Variants in PLAAT1 observed in about 807,000 individuals in gnomAD.
PLAAT1 encodes phospholipase A and acyltransferase 1, also known as H-REV107 protein-related protein.
PLAAT1 carries 13 observed loss-of-function variants against 16.4 expected under a neutral mutation model. That is an observed-to-expected ratio of 0.79 (90% CI 0.52 to 1.26). PLAAT1 has a LOEUF of 1.26. PLAAT1 is among the 50% of genes most tolerant of loss of function. PLAAT1 has a pLI of 0.00. For missense variants in PLAAT1, 218 were observed against 207.8 expected (o/e 1.05, Z -0.30); for synonymous variants, 73 against 78.4 (o/e 0.93, Z 0.36).
In PLAAT1 at chr3:193,241,405, C is replaced by T. The variant is rs1393889899; in HGVS notation, c.-129C>T. ...TGGCTGGCGCCTGCCTCCCGGGTGT[C>T]TCCCGGGTACAGATGGAGTCGTCCC... On this transcript the variant is annotated 5_prime_UTR_variant, in exon 1 of 4. Transcript: ENST00000264735. The T allele has an allele frequency of 3.2e-6, 4 of 1,231,612 alleles. No homozygotes were observed. Among genetic ancestry groups the T allele is most frequent in the South Asian group, 4.1e-5 (1 of 24,328 alleles). 76.3% of individuals were successfully genotyped at this position (1,231,612 alleles called of 1,614,324 possible).
chr3:193,276,873 C>A, intron 2 of PLAAT1: 1 of 1,391,066 alleles, frequency 7.2e-7, no homozygotes, highest in Non-Finnish European at 1.0e-6. Flanking sequence ...GCACACTTCA[C>A]ACTTTGAAAA....
intron 3 of PLAAT1, among the ~76,000 whole-genome samples, chr3:193,270,069 A>AACACACAC (rs1553807457): frequency 1.2e-3 from 182 of 147,992 alleles, no homozygotes; most frequent in East Asian, 7.6e-3. Context: ...ACATCCCTGA[A>AACACACAC]ACACACACAC....
chr3:193,252,348 T>A (rs1716223493), intron 1 of PLAAT1, among the ~76,000 whole-genome samples: 1 of 152,220 alleles, frequency 6.6e-6, no homozygotes, highest in South Asian at 2.1e-4. Context: ...CATTTCAACA[T>A]GATATTTGGC....
At chr3:193,250,476 T>C (rs1334667216) in intron 1 of PLAAT1, among the ~76,000 whole-genome samples, 2 of 152,198 alleles carry the variant, frequency 1.3e-5, no homozygotes, top group Admixed American at 6.5e-5. Context: ...CTGCTGAACA[T>C]TTTCAAGTTA....
chr3:193,251,183 T>C (rs998678425), intron 1 of PLAAT1, among the ~76,000 whole-genome samples: 54 of 152,146 alleles, frequency 3.5e-4, no homozygotes, highest in Non-Finnish European at 4.4e-5. Context: ...TCATGAGAGA[T>C]TGCAGAAATT....
exon 3 of PLAAT1, chr3:193,277,702 T>G (rs1717286904): frequency 6.6e-6 from 1 of 152,276 alleles, no homozygotes; most frequent in Admixed American, 6.5e-5. Context: ...ATTAAAGGGT[T>G]GTTTGGAAAA....
chr3:193,241,415 C>T lies in PLAAT1; in HGVS notation c.-119C>T. The T allele has an allele frequency of 8.1e-7, 1 of 1,231,818 alleles. No homozygotes were observed. The highest frequency in any genetic ancestry group is 1.0e-6 in the Non-Finnish European group (1 of 988,058). The allele number at this position is 1,231,818 out of a possible 1,614,324, so 76.3% of individuals were successfully genotyped here. On this transcript the variant is annotated 5_prime_UTR_variant, in exon 1 of 4. It introduces an in-frame stop codon into an upstream open reading frame of the 5' UTR. Transcript: ENST00000264735. ...CTGCCTCCCGGGTGTCTCCCGGGTA[C>T]AGATGGAGTCGTCCCGCGGCCGCCG...
chr3:193,262,585 A>G (rs1716625364), intron 2 of PLAAT1, among the ~76,000 whole-genome samples: 1 of 152,148 alleles, frequency 6.6e-6, no homozygotes. Context: ...ATGCTCAGCA[A>G]AAAACTGCCT....
intron 1 of PLAAT1, among the ~76,000 whole-genome samples, chr3:193,244,369 G>T (rs546445387): frequency 1.3e-5 from 2 of 152,044 alleles, no homozygotes; most frequent in East Asian, 1.9e-4. Context: ...GAGTGATCCA[G>T]TTAATGACAA....
chr3:193,274,384 C>G (rs930045142), downstream of PLAAT1, among the ~76,000 whole-genome samples: 13 of 152,224 alleles, frequency 8.5e-5, no homozygotes, highest in Non-Finnish European at 1.3e-4. Flanking sequence ...CCCCTAAACA[C>G]TATACACTGA....
downstream of PLAAT1, among the ~76,000 whole-genome samples, chr3:193,273,218 C>T (rs1262727178): frequency 6.6e-6 from 1 of 152,126 alleles, no homozygotes; most frequent in Non-Finnish European, 1.5e-5. Context: ...GATGTCAGCT[C>T]AAGGAACCTG....
chr3:193,275,259 C>G, downstream of PLAAT1: 1 of 1,614,014 alleles, frequency 6.2e-7, no homozygotes, highest in African/African-American at 1.3e-5. Context: ...TCCAAATTCT[C>G]TTTTGATCAA....
intron 1 of PLAAT1, among the ~76,000 whole-genome samples, chr3:193,247,970 C>T (rs924486764): frequency 6.6e-6 from 1 of 152,150 alleles, no homozygotes; most frequent in Non-Finnish European, 1.5e-5. Flanking sequence ...AGTTCAAGTT[C>T]AATATTTCCT....
chr3:193,256,622 T>C (rs6808647), intron 2 of PLAAT1, among the ~76,000 whole-genome samples: 62,041 of 152,008 alleles, frequency 0.41, 13,598 homozygotes, highest in Non-Finnish European at 0.48. Flanking sequence ...TTAGCAAAGG[T>C]TAAGTGATAA....
At chr3:193,252,125 G>A (rs1049441299) in intron 1 of PLAAT1, among the ~76,000 whole-genome samples, 6 of 152,132 alleles carry the variant, frequency 3.9e-5, no homozygotes, top group Non-Finnish European at 8.8e-5. Flanking sequence ...AGGGTCTCAG[G>A]AAGCTTACAA....
intron 2 of PLAAT1, among the ~76,000 whole-genome samples, chr3:193,276,232 A>T (rs1303937234): frequency 1.3e-5 from 2 of 152,218 alleles, no homozygotes; most frequent in African/African-American, 4.8e-5. Flanking sequence ...CTCTCCTTTT[A>T]CAAAGATAAT....
downstream of PLAAT1, among the ~76,000 whole-genome samples, chr3:193,272,168 G>T (rs1245586101): frequency 6.6e-6 from 1 of 152,134 alleles, no homozygotes; most frequent in Admixed American, 6.5e-5. Context: ...AACAGGCCAG[G>T]TGCGGTGGCT....
chr3:193,241,140 G>A (rs1674190871), upstream of PLAAT1: 3 of 850,530 alleles, frequency 3.5e-6, no homozygotes, highest in East Asian at 8.7e-5. Context: ...GGGCGGGCGG[G>A]CGAAGCTGGG....
downstream of PLAAT1, among the ~76,000 whole-genome samples, chr3:193,273,125 T>A (rs950432989): frequency 4.6e-5 from 7 of 152,192 alleles, no homozygotes; most frequent in African/African-American, 1.2e-4. Context: ...ATCTATTTTT[T>A]AAAAAATCTT....
Sources: allele counts gnomAD v4.1 joint callset (sites outside exome capture counted in the v4.1 genomes callset), GRCh38; gene constraint gnomAD v4.1.1; transcripts MANE v1.5; gene names NCBI Gene and HGNC (gene_info 2026-07-23, HGNC 2026-07-21).